MYRFL: variants seen among roughly 807,000 people sequenced by gnomAD.
The protein encoded by MYRFL is myelin regulatory factor-like protein.
A neutral mutation model predicts 109.4 loss-of-function variants in MYRFL; 88 were observed. That is an observed-to-expected ratio of 0.80 (90% CI 0.68 to 0.96). The LOEUF (loss-of-function observed/expected upper bound fraction) is 0.96, where lower values mean the gene tolerates loss of function less well. Among genes scored for constraint, MYRFL ranks in the 40% least tolerant of loss-of-function variants. MYRFL has a pLI of 0.00. For synonymous variants in MYRFL, 324 were observed against 320.9 expected (o/e 1.01, Z -0.10); for missense variants, 957 against 954.9 (o/e 1.00, Z -0.03).
intron 1 of MYRFL, among the ~76,000 whole-genome samples, chr12:69,826,637 A>G (rs1056838140): frequency 6.6e-6 from 1 of 152,036 alleles, no homozygotes; most frequent in Non-Finnish European, 1.5e-5. Context: ...GGAGGTTTCT[A>G]TGGATATAGT....
At chr12:69,859,900 ATTAATC>A (rs1459571504) in intron 2 of MYRFL, among the ~76,000 whole-genome samples, 2 of 152,130 alleles carry the variant, frequency 1.3e-5, no homozygotes, top group Non-Finnish European at 2.9e-5. Flanking sequence ...TTGGTCCAAT[ATTAATC>A]TAGCCACTGC....
At chr12:69,904,410 A>G (rs1005124286) in intron 11 of MYRFL, 2 of 152,266 alleles carry the variant, frequency 1.3e-5, no homozygotes, top group Non-Finnish European at 2.9e-5. Flanking sequence ...CTCCGTGGAG[A>G]GGCAGTTACC....
intron 2 of MYRFL, among the ~76,000 whole-genome samples, chr12:69,868,949 C>A (rs1885178862): frequency 1.3e-5 from 2 of 152,036 alleles, no homozygotes; most frequent in African/African-American, 4.8e-5. Flanking sequence ...GATATGCACT[C>A]ACACATGCCC....
At chr12:69,909,185 T>C (rs955836660) in intron 11 of MYRFL, among the ~76,000 whole-genome samples, 1 of 152,234 alleles carries the variant, frequency 6.6e-6, no homozygotes, top group Non-Finnish European at 1.5e-5. Flanking sequence ...AATTATACTC[T>C]GGAATAACTT....
chr12:69,890,983 C>T lies in MYRFL; in HGVS notation c.720C>T (p.Gly240=), dbSNP rs1189135216. ...TCTCTTTTCATAGACCTGATGTGGG[C>T]TATCGAGTTGTAACAGACAAAGGAT... ...NSHYEKLPDV[G]YRVVTDKGFN... Residue 240 remains glycine (G), a synonymous_variant, in exon 7 of 25, where the codon GGC becomes GGT. Transcript: ENST00000552032. The T allele has an allele frequency of 1.3e-6, 2 of 1,520,938 alleles. No individual in the cohort carries two copies. The highest frequency in any genetic ancestry group is 1.8e-6 in the Non-Finnish European group (2 of 1,140,386). 94.2% of individuals were successfully genotyped at this position (1,520,938 alleles called of 1,614,324 possible).
intron 19 of MYRFL, among the ~76,000 whole-genome samples, chr12:69,950,748 C>G (rs1955952305): frequency 1.3e-5 from 2 of 152,146 alleles, no homozygotes; most frequent in Non-Finnish European, 1.5e-5. Flanking sequence ...GGTGTTCAAA[C>G]AGAGATTCCT....
Position 69,910,930 on chromosome 12 carries a change from G to T in MYRFL, c.1602G>T (p.Lys534Asn). ...TGGAGAACTTCCTCATGGTGGATAA[G>T]GTAATCACTGAAAAGATATCAGCTG... ...ETLENFLMVD[K>N]DQIFMENVGA... Residue 534 changes from lysine (K) to asparagine (N), a missense_variant and splice_region_variant, in exon 13 of 25, where the codon AAG (lysine) becomes AAT (asparagine). Lys to Asn is a moderately conservative substitution (Grantham distance 94). Coordinates refer to ENST00000552032, the MANE Select transcript of MYRFL (RefSeq NM_182530.3). 2 of 1,529,370 alleles carry T rather than the reference G, an allele frequency of 1.3e-6. No individual in the cohort carries two copies. Among genetic ancestry groups the T allele is most frequent in the South Asian group, 2.4e-5 (2 of 83,856 alleles). The allele number at this position is 1,529,370 out of a possible 1,614,324, so 94.7% of individuals were successfully genotyped here.
intron 19 of MYRFL, among the ~76,000 whole-genome samples, chr12:69,938,127 T>TAAAG (rs1955527338): frequency 6.6e-6 from 1 of 152,224 alleles, no homozygotes; most frequent in African/African-American, 2.4e-5. Flanking sequence ...AACTTCATTT[T>TAAAG]AAAGAAAGGA....
At chr12:69,851,539 C>T (rs544001033) in intron 1 of MYRFL, among the ~76,000 whole-genome samples, 2 of 152,238 alleles carry the variant, frequency 1.3e-5, no homozygotes, top group South Asian at 4.1e-4. Context: ...AAAAGGAGAG[C>T]TTTTACAGTG....
rs534791854 is a variant in MYRFL, at chr12:69,898,747, G to A, written c.1182+1501G>A. ...TATGCTTCAGACAGATAGTCTGCTA[G>A]TCACCTGCATACTTGGAATAATTTA... is the stretch of plus-strand genomic sequence containing the variant. On this transcript the variant is annotated intron_variant, in intron 10 of 24. Transcript: ENST00000552032. 1.1e-4 allele frequency among the ~76,000 whole-genome samples: 17 copies of A among 152,322 alleles called. No individual in the cohort carries two copies. In the South Asian group the frequency reaches 3.5e-3, roughly 32 times the overall value.
intron 5 of MYRFL, among the ~76,000 whole-genome samples, chr12:69,882,887 C>T (rs1170074443): frequency 6.6e-6 from 1 of 152,224 alleles, no homozygotes; most frequent in Admixed American, 6.5e-5. Flanking sequence ...ACTGTAGCAT[C>T]AGAAAATGTA....
chr12:69,940,713 G>T (rs1955615997), intron 19 of MYRFL, among the ~76,000 whole-genome samples: 1 of 149,404 alleles, frequency 6.7e-6, no homozygotes, highest in South Asian at 2.1e-4. Context: ...TGGACTAAAT[G>T]CTCCAATTAA....
At chr12:69,883,690 C>T (rs1198535799) in intron 5 of MYRFL, among the ~76,000 whole-genome samples, 1 of 140,572 alleles carries the variant, frequency 7.1e-6, no homozygotes, top group Non-Finnish European at 1.5e-5. Context: ...AAGTAAGATC[C>T]TGTCTCTACA....
In MYRFL at chr12:69,932,555, T is replaced by C. The variant is rs1955302791; in HGVS notation, c.1873T>C (p.Phe625Leu). The C allele has an allele frequency of 6.5e-7, 1 of 1,536,026 alleles. No individual in the cohort carries two copies. The highest frequency in any genetic ancestry group is 8.7e-7 in the Non-Finnish European group (1 of 1,146,898). Reference sequence around the variant, plus strand: ...AAGACAGGCGTGTCCTAATTGGGTTTTCCAGACCTTGGTTATAACTCTGAT... The same window carrying C: ...AAGACAGGCGTGTCCTAATTGGGTTCTCCAGACCTTGGTTATAACTCTGAT... The part of the protein sequence containing the change: ...GKRQACPNWV[F>L]QTLVITLIAV... Residue 625 changes from phenylalanine to leucine, a missense_variant, in exon 16 of 25, where the codon TTC becomes CTC. Physicochemically the swap from Phe to Leu is conservative, Grantham distance 22. Transcript: ENST00000552032.
intron 10 of MYRFL, among the ~76,000 whole-genome samples, chr12:69,898,013 CAGGT>C (rs1954056829): frequency 6.6e-6 from 1 of 152,196 alleles, no homozygotes; most frequent in South Asian, 2.1e-4. Context: ...CATGAAGTAA[CAGGT>C]AGCCACAGGC....
intron 2 of MYRFL, among the ~76,000 whole-genome samples, chr12:69,876,831 G>T (rs1471082889): frequency 6.6e-6 from 1 of 152,104 alleles, no homozygotes; most frequent in Non-Finnish European, 1.5e-5. Flanking sequence ...GATTTTTAAT[G>T]AATTCTTCTA....
At chr12:69,827,145 A>T (rs570586337) in intron 1 of MYRFL, among the ~76,000 whole-genome samples, 135 of 152,214 alleles carry the variant, frequency 8.9e-4, no homozygotes, top group African/African-American at 3.2e-3. Context: ...TCTCATATAT[A>T]AAAAATTCAG....
chr12:69,874,700 A>G (rs1352685970), intron 2 of MYRFL, among the ~76,000 whole-genome samples: 1 of 152,052 alleles, frequency 6.6e-6, no homozygotes, highest in Non-Finnish European at 1.5e-5. Context: ...ATTCTTGAAG[A>G]CTATTTTCAT....
At chr12:69,865,144 C>A (rs747247396) in intron 2 of MYRFL, among the ~76,000 whole-genome samples, 19 of 152,168 alleles carry the variant, frequency 1.2e-4, no homozygotes, top group Non-Finnish European at 2.6e-4. Context: ...AAGAGAAAAG[C>A]ATAAACAATT....
Sources: gnomAD v4.1 joint callset for allele counts (sites outside exome capture counted in the v4.1 genomes callset) on GRCh38, gnomAD v4.1.1 for gene constraint, MANE v1.5 for transcripts, NCBI Gene and HGNC (gene_info 2026-07-23, HGNC 2026-07-21) for gene names.